NFKB1: variants seen among roughly 807,000 people sequenced by gnomAD.
NFKB1 encodes nuclear factor kappa B subunit 1.
In NFKB1, 9 loss-of-function variants were observed where a neutral mutation model predicts 105.1. The observed-to-expected ratio is 0.09, with a 90% CI of 0.05 to 0.15. NFKB1 has a LOEUF of 0.15. NFKB1 is among the 10% of genes least tolerant of loss of function. NFKB1 has a pLI of 1.00. For missense variants in NFKB1, 830 were observed against 1,203.7 expected (o/e 0.69, Z 4.59); for synonymous variants, 440 against 442.2 (o/e 1.00, Z 0.06).
intron 5 of NFKB1, among the ~76,000 whole-genome samples, chr4:102,554,337 C>T (rs1162335149): frequency 6.6e-6 from 1 of 152,054 alleles, no homozygotes; most frequent in Non-Finnish European, 1.5e-5. Context: ...GAAAGGTAAG[C>T]TTAATATGCC....
At chr4:102,602,879 G>A (rs887217818) in intron 16 of NFKB1, among the ~76,000 whole-genome samples, 5 of 152,180 alleles carry the variant, frequency 3.3e-5, no homozygotes, top group African/African-American at 7.2e-5. Context: ...CATTTTGCCT[G>A]TAAAGCTTGA....
intron 5 of NFKB1, among the ~76,000 whole-genome samples, chr4:102,562,478 G>T (rs771581894): frequency 6.6e-6 from 1 of 152,094 alleles, no homozygotes; most frequent in Non-Finnish European, 1.5e-5. Context: ...AACATAGGAC[G>T]GGCTTTAAAT....
At chr4:102,522,656 T>C (rs1228886636) in intron 1 of NFKB1, among the ~76,000 whole-genome samples, 1 of 152,214 alleles carries the variant, frequency 6.6e-6, no homozygotes, top group Non-Finnish European at 1.5e-5. Flanking sequence ...TCCACAGGTT[T>C]AAATGTATAT....
intron 11 of NFKB1, among the ~76,000 whole-genome samples, chr4:102,586,023 C>T (rs976113510): frequency 6.6e-6 from 1 of 152,096 alleles, no homozygotes; most frequent in African/African-American, 2.4e-5. Context: ...GAGGGATAGC[C>T]GGGCCTGCCT....
chr4:102,561,591 T>C (rs1253938543), intron 5 of NFKB1, among the ~76,000 whole-genome samples: 4 of 151,954 alleles, frequency 2.6e-5, no homozygotes, highest in Admixed American at 2.6e-4. Flanking sequence ...CACAGAGCAA[T>C]GGGAAATGTG....
chr4:102,570,242 CTGT>C (rs1347536232), intron 6 of NFKB1, among the ~76,000 whole-genome samples: 4 of 152,054 alleles, frequency 2.6e-5, no homozygotes, highest in Non-Finnish European at 5.9e-5. Context: ...TCTTCAGTGT[CTGT>C]TGTTCCCCTT....
At chr4:102,616,327 G>A (rs1385118625) in intron 23 of NFKB1, 107 bp from the exon 24 acceptor site, 9 of 1,192,442 alleles carry the variant, frequency 7.5e-6, no homozygotes, top group African/African-American at 1.5e-5. Flanking sequence ...GCATAGGTGG[G>A]ATGTGTGGCT....
At chr4:102,519,574 A>T (rs1334236371) in intron 1 of NFKB1, among the ~76,000 whole-genome samples, 1 of 152,020 alleles carries the variant, frequency 6.6e-6, no homozygotes, top group African/African-American at 2.4e-5. Flanking sequence ...CCTTGTGAAT[A>T]ACTCATTTTG....
At chr4:102,593,130 T>A (rs1234167839) in intron 11 of NFKB1, 1 of 198,172 alleles carries the variant, frequency 5.0e-6, no homozygotes, top group Non-Finnish European at 1.0e-5. Flanking sequence ...TCAGGATCTT[T>A]TTGATGGATA....
intron 5 of NFKB1, among the ~76,000 whole-genome samples, chr4:102,553,046 G>A (rs902828721): frequency 3.9e-5 from 6 of 151,960 alleles, no homozygotes; most frequent in African/African-American, 1.5e-4. Context: ...ATTTAGTAGG[G>A]GCTTTCCACA....
chr4:102,587,734 A>G (rs935032154), intron 11 of NFKB1, among the ~76,000 whole-genome samples: 1 of 152,170 alleles, frequency 6.6e-6, no homozygotes, highest in African/African-American at 2.4e-5. Context: ...TCTGAAGGAA[A>G]GAATGGACAA....
At chr4:102,572,139 G>A (rs1009182412) in intron 6 of NFKB1, among the ~76,000 whole-genome samples, 12 of 152,142 alleles carry the variant, frequency 7.9e-5, no homozygotes, top group East Asian at 3.9e-4. Context: ...ATACATCATG[G>A]AATACTATGC....
chr4:102,527,964 T>A (rs1194355237), intron 2 of NFKB1, among the ~76,000 whole-genome samples: 1 of 152,190 alleles, frequency 6.6e-6, no homozygotes, highest in Non-Finnish European at 1.5e-5. Context: ...GGGCATATTC[T>A]GACATTTCCA....
intron 3 of NFKB1, among the ~76,000 whole-genome samples, chr4:102,533,204 CAG>C (rs1741411810): frequency 6.6e-6 from 1 of 151,916 alleles, no homozygotes; most frequent in Non-Finnish European, 1.5e-5. Context: ...TCTGATAGAC[CAG>C]ATTACATTGG....
At chr4:102,549,426 T>C (rs1044882485) in intron 5 of NFKB1, among the ~76,000 whole-genome samples, 2 of 148,744 alleles carry the variant, frequency 1.3e-5, no homozygotes, top group South Asian at 2.1e-4. Context: ...ATAAAACTTA[T>C]GTTGTAAGTT....
At chr4:102,513,158 A>G (rs993194256) in intron 1 of NFKB1, among the ~76,000 whole-genome samples, 17 of 152,228 alleles carry the variant, frequency 1.1e-4, no homozygotes, top group African/African-American at 3.9e-4. Context: ...GTCAGAACAA[A>G]GTCCAGTATG....
intron 9 of NFKB1, among the ~76,000 whole-genome samples, chr4:102,580,907 A>G (rs577117825): frequency 1.4e-3 from 219 of 152,380 alleles, no homozygotes; most frequent in Admixed American, 3.7e-3. Context: ...GACTTTCAGT[A>G]TCTTTATACA....
chr4:102,533,211 C>CT (rs1741413380), intron 3 of NFKB1, among the ~76,000 whole-genome samples: 1 of 152,012 alleles, frequency 6.6e-6, no homozygotes, highest in Non-Finnish European at 1.5e-5. Context: ...GACCAGATTA[C>CT]ATTGGGAGTG....
intron 5 of NFKB1, among the ~76,000 whole-genome samples, chr4:102,540,093 G>A (rs1025975593): frequency 1.3e-5 from 2 of 152,112 alleles, no homozygotes; most frequent in African/African-American, 4.8e-5. Flanking sequence ...TATCAGCATT[G>A]ACACTGACTA....
Sources: allele counts gnomAD v4.1 joint callset (sites outside exome capture counted in the v4.1 genomes callset), GRCh38; gene constraint gnomAD v4.1.1; transcripts MANE v1.5; gene names NCBI Gene and HGNC (gene_info 2026-07-23, HGNC 2026-07-21).